Variants in PHRF1 observed in about 807,000 individuals in gnomAD.
The protein encoded by PHRF1 is PHD and ring finger domains 1.
PHRF1 carries 53 observed loss-of-function variants against 128.9 expected under a neutral mutation model. That is an observed-to-expected ratio of 0.41 (90% CI 0.33 to 0.52). The LOEUF is 0.52. Among genes scored for constraint, PHRF1 ranks in the 20% least tolerant of loss-of-function variants. The probability of loss-of-function intolerance (pLI) is 0.21; values close to 1 mark genes in which losing one functional copy is unlikely to be tolerated. For synonymous variants in PHRF1, 1,178 were observed against 980.6 expected (o/e 1.20, Z -3.76); for missense variants, 2,503 against 2,284.5 (o/e 1.10, Z -1.95).
chr11:579,877 G>A (rs1854107766), intron 1 of PHRF1, among the ~76,000 whole-genome samples: 1 of 152,192 alleles, frequency 6.6e-6, no homozygotes, highest in African/African-American at 2.4e-5. Flanking sequence ...CTTGTCAGAT[G>A]GGAAGTGAGG....
intron 1 of PHRF1, among the ~76,000 whole-genome samples, chr11:581,111 A>AT (rs111447606): frequency 1.7e-3 from 248 of 143,876 alleles, no homozygotes; most frequent in Admixed American, 2.5e-3. Flanking sequence ...GGCGTGACCA[A>AT]TTTTTTTTTT....
chr11:595,732 A>C (rs1049397907), intron 6 of PHRF1, among the ~76,000 whole-genome samples: 2 of 152,244 alleles, frequency 1.3e-5, no homozygotes, highest in Admixed American at 1.3e-4. Context: ...GCCTCCTCCA[A>C]GGCTGCTGGA....
intron 6 of PHRF1, among the ~76,000 whole-genome samples, chr11:595,628 G>C (rs1267084013): frequency 6.6e-6 from 1 of 152,232 alleles, no homozygotes; most frequent in Non-Finnish European, 1.5e-5. Context: ...CCTCTTCTCG[G>C]GGATGAGTGT....
chr11:593,317 C>G (rs527443191), intron 6 of PHRF1, among the ~76,000 whole-genome samples: 1 of 152,342 alleles, frequency 6.6e-6, no homozygotes, highest in East Asian at 1.9e-4. Flanking sequence ...GAAATCTTTC[C>G]CTTGTTGAAA....
At chr11:578,319 C>T (rs552172001) in intron 1 of PHRF1, among the ~76,000 whole-genome samples, 6 of 152,338 alleles carry the variant, frequency 3.9e-5, no homozygotes, top group South Asian at 2.1e-4. Context: ...TTCAGCCTCA[C>T]GTAACCTGAA....
intron 14 of PHRF1, 142 bp from the exon 15 acceptor site, chr11:610,054 T>TCCCCTTG (rs1430258399): frequency 8.9e-7 from 1 of 1,127,310 alleles, no homozygotes; most frequent in African/African-American, 1.6e-5. Context: ...CCTCGCAACC[T>TCCCCTTG]CCCCTTGGTG....
At chr11:586,050 G>T (rs186754253) in intron 3 of PHRF1, among the ~76,000 whole-genome samples, 1 of 151,908 alleles carries the variant, frequency 6.6e-6, no homozygotes, top group Non-Finnish European at 1.5e-5. Context: ...TTGTAGAGAC[G>T]GGGTTTCACC....
chr11:582,940 A>G (rs1854295075), intron 3 of PHRF1, among the ~76,000 whole-genome samples: 1 of 150,368 alleles, frequency 6.7e-6, no homozygotes, highest in African/African-American at 2.4e-5. Context: ...AGGCTGAGGC[A>G]GGAGAATGGT....
intron 6 of PHRF1, among the ~76,000 whole-genome samples, chr11:595,870 C>T (rs1448352643): frequency 6.6e-6 from 1 of 152,216 alleles, no homozygotes; most frequent in Non-Finnish European, 1.5e-5. Flanking sequence ...CCTAGTTAGG[C>T]TCTTGGAGTG....
At chr11:609,823 C>A in intron 14 of PHRF1, 103 bp downstream of exon 14, 1 of 796,970 alleles carries the variant, frequency 1.3e-6, no homozygotes, top group Non-Finnish European at 1.9e-6. Context: ...CCGGCCTCCA[C>A]CGAGGACAGA....
chr11:597,801 A>G lies in PHRF1; in HGVS notation c.894+231A>G, dbSNP rs1472456800. 6.6e-6 allele frequency among the ~76,000 whole-genome samples: 1 copy of G among 152,122 alleles called. No homozygotes were observed. Among genetic ancestry groups the G allele is most frequent in the Admixed American group, 6.5e-5 (1 of 15,278 alleles). ...GGAGCCAGGTATTGAGGGGCAGGTG[A>G]AGCCTGGCCCTGGCGGGGTGGGGGC... On this transcript the variant is annotated intron_variant, in intron 8 of 17. Coordinates refer to ENST00000264555, the MANE Select transcript of PHRF1 (RefSeq NM_001286581.2). The surrounding 1 kb of genome is among the most constrained non-coding windows in gnomAD (Gnocchi z 6.5).
intron 3 of PHRF1, among the ~76,000 whole-genome samples, chr11:584,772 T>G (rs1854426941): frequency 6.8e-6 from 1 of 147,384 alleles, no homozygotes; most frequent in African/African-American, 2.5e-5. Flanking sequence ...AGTTTCACTC[T>G]TGTTGCCCAG....
intron 16 of PHRF1, 66 bp downstream of exon 16, chr11:610,827 C>G (rs905493961): frequency 1.9e-6 from 3 of 1,585,714 alleles, no homozygotes; most frequent in East Asian, 4.5e-5. Flanking sequence ...GTTGTTGGGG[C>G]TGAGTTTATG....
Position 605,051 on chromosome 11 carries a change from A to G in PHRF1, c.1153-68A>G, listed in dbSNP as rs1855861569. ...GTTGCTGATGAAGGCTTCACGTGGCATTTACAGAGCCCTCGTAGATGCCAT... is the reference window on the plus strand; with the variant it reads ...GTTGCTGATGAAGGCTTCACGTGGCGTTTACAGAGCCCTCGTAGATGCCAT... On this transcript the variant is annotated intron_variant, in intron 10 of 17. Transcript: ENST00000264555. 3.4e-6 allele frequency: 5 copies of G among 1,478,926 alleles called. No individual in the cohort carries two copies. The Admixed American group carries it at 6.4e-5, about 19-fold the overall frequency. 91.6% of individuals were successfully genotyped at this position (1,478,926 alleles called of 1,614,324 possible).
At position 608,375 on chromosome 11, in the gene PHRF1, C is replaced by T; in HGVS notation, c.2919C>T (p.Ser973=). 6.2e-7 allele frequency: 1 copy of T among 1,611,282 alleles called. No homozygotes were observed. Residue 973 remains serine (S), a synonymous_variant, in exon 14 of 18, where the codon AGC becomes AGT. Transcript: ENST00000264555. The part of the protein sequence containing the change: ...VTVVEPEAPP[S]PDVLQAATHR... ...TCGTGGAGCCGGAAGCCCCACCCAG[C>T]CCGGACGTGCTGCAGGCTGCCACCC...
At position 610,200 on chromosome 11, in the gene PHRF1, A is replaced by G. The variant is rs989982578; in HGVS notation, c.4269A>G (p.Ala1423=). The change falls in exon 15 of 18, where the codon GCA becomes GCG. Residue 1423 remains alanine, a synonymous_variant. Coordinates refer to ENST00000264555, the MANE Select transcript of PHRF1 (RefSeq NM_001286581.2). ...SAPAEDRAPR[A]PLHRPQKPRE... ...CCCTGTCTGTCGGGCCCCCAGGGGC[A>G]CCACTTCACAGGCCACAGAAGCCCC... 2.6e-6 allele frequency: 4 copies of G among 1,515,168 alleles called. No homozygotes were observed. Among genetic ancestry groups the G allele is most frequent in the East Asian group, 2.5e-5 (1 of 40,422 alleles). The allele number at this position is 1,515,168 out of a possible 1,614,324, so 93.9% of individuals were successfully genotyped here.
chr11:591,519 T>C, intron 5 of PHRF1, 52 bp downstream of exon 5: 1 of 1,434,444 alleles, frequency 7.0e-7, no homozygotes, highest in Non-Finnish European at 9.5e-7. Context: ...ATCCCGGCCC[T>C]GTGGGACAGA....
At chr11:590,897 TTC>T (rs1854931312) in intron 4 of PHRF1, among the ~76,000 whole-genome samples, 1 of 152,046 alleles carries the variant, frequency 6.6e-6, no homozygotes, top group African/African-American at 2.4e-5. Flanking sequence ...GAGGCGGGGT[TTC>T]TCTGTGTCAG....
intron 3 of PHRF1, among the ~76,000 whole-genome samples, chr11:583,191 T>C (rs1589859413): frequency 6.6e-6 from 1 of 151,448 alleles, no homozygotes; most frequent in Non-Finnish European, 1.5e-5. Flanking sequence ...ATAGAAAAAT[T>C]AGCCAGTCGT....
Sources: allele counts gnomAD v4.1 joint callset (sites outside exome capture counted in the v4.1 genomes callset), GRCh38; gene constraint gnomAD v4.1.1; non-coding constraint Gnocchi (gnomAD v3.1); transcripts MANE v1.5; gene names NCBI Gene and HGNC (gene_info 2026-07-23, HGNC 2026-07-21).